BASP1: variants seen among roughly 807,000 people sequenced by gnomAD.
BASP1 encodes brain acid soluble protein 1.
A neutral mutation model predicts 2.2 loss-of-function variants in BASP1; 1 was observed. That is an observed-to-expected ratio of 0.46 (90% CI 0.16 to 2.17). BASP1 has a LOEUF of 2.17. Among genes scored for constraint, BASP1 ranks in the 30% most tolerant of loss-of-function variants. The probability of loss-of-function intolerance (pLI) is 0.27; values close to 1 mark genes in which losing one functional copy is unlikely to be tolerated. For missense variants in BASP1, 352 were observed against 327.2 expected (o/e 1.08, Z -0.58); for synonymous variants, 187 against 154.2 (o/e 1.21, Z -1.58).
intron 1 of BASP1, among the ~76,000 whole-genome samples, chr5:17,257,502 C>T (rs1258572394): frequency 6.6e-6 from 1 of 152,106 alleles, no homozygotes; most frequent in African/African-American, 2.4e-5. Flanking sequence ...GTACTGAATA[C>T]CTACTGTGTG....
At chr5:17,237,508 GA>G (rs1739772732) in intron 1 of BASP1, among the ~76,000 whole-genome samples, 7 of 152,068 alleles carry the variant, frequency 4.6e-5, no homozygotes, top group Admixed American at 4.6e-4. Context: ...TTTGAAGAAA[GA>G]AAATTGCCTA....
rs944775328 is a variant in BASP1 at position 17,272,762 on chromosome 5, G to A, written c.-9-2446G>A. Among the ~76,000 whole-genome samples the A allele has an allele frequency of 5.3e-5, 8 of 152,146 alleles. No homozygotes were observed. The South Asian group carries it at 6.2e-4, about 12-fold the overall frequency. On this transcript the variant is annotated intron_variant, in intron 1 of 1. Coordinates refer to ENST00000322611, the MANE Select transcript of BASP1 (RefSeq NM_006317.5). The stretch of plus-strand genomic sequence containing the variant: ...ATTTTCTTACTTATAACTTGATTAC[G>A]TGTGTTCATTTTCGACCCAGAAACA...
intron 1 of BASP1, among the ~76,000 whole-genome samples, chr5:17,228,887 C>CCTTTTTCTG (rs2126491302): frequency 6.6e-6 from 1 of 152,200 alleles, no homozygotes; most frequent in East Asian, 1.9e-4. Flanking sequence ...GCAAAGAAGT[C>CCTTTTTCTG]CAGAATGATG....
chr5:17,245,964 G>A (rs991427576), intron 1 of BASP1, among the ~76,000 whole-genome samples: 11 of 151,920 alleles, frequency 7.2e-5, no homozygotes, highest in African/African-American at 2.2e-4. Context: ...ATACCAACGC[G>A]TGGATAGAGA....
chr5:17,233,646 T>C (rs535789609), intron 1 of BASP1, among the ~76,000 whole-genome samples: 2 of 152,342 alleles, frequency 1.3e-5, no homozygotes, highest in East Asian at 3.9e-4. Context: ...GTGGGTTGTG[T>C]ACTTAGCTGG....
chr5:17,217,053 G>GGAGAGAGTGTGAGA, upstream of BASP1: 1 of 104,224 alleles, frequency 9.6e-6, no homozygotes, highest in East Asian at 2.7e-4. Context: ...TAAATGAGGG[G>GGAGAGAGTGTGAGA]GAGAGAGAGA....
At position 17,244,478 on chromosome 5, in the gene BASP1, C is replaced by T. The variant is rs184001147; in HGVS notation, c.-10+26668C>T. 2.6e-3 allele frequency among the ~76,000 whole-genome samples: 393 copies of T among 152,170 alleles called. 1 individual carries two copies. Among genetic ancestry groups the T allele is most frequent in the Middle Eastern group, 6.8e-3 (2 of 294 alleles). ...TAAGCTGAGGATCTGAGACTGGGCA[C>T]GGCCAGAGGAATCCTGGGAGTCATC... On this transcript the variant is annotated intron_variant, in intron 1 of 1. Coordinates refer to ENST00000322611, the MANE Select transcript of BASP1 (RefSeq NM_006317.5).
chr5:17,223,717 C>T (rs993162495), intron 1 of BASP1, among the ~76,000 whole-genome samples: 1 of 152,190 alleles, frequency 6.6e-6, no homozygotes, highest in South Asian at 2.1e-4. Flanking sequence ...CCTGGACTCA[C>T]CCTGATTAGC....
chr5:17,267,550 T>C (rs1431149360), intron 1 of BASP1, among the ~76,000 whole-genome samples: 4 of 151,788 alleles, frequency 2.6e-5, no homozygotes, highest in Non-Finnish European at 4.4e-5. Context: ...TCTTGCTCTG[T>C]CACCAGGCCC....
At chr5:17,247,573 C>A (rs149801850) in intron 1 of BASP1, among the ~76,000 whole-genome samples, 15 of 152,324 alleles carry the variant, frequency 9.8e-5, no homozygotes, top group African/African-American at 3.4e-4. Flanking sequence ...AGTTGTGCCT[C>A]TATGCACGAA....
At chr5:17,226,323 C>T (rs983128937) in intron 1 of BASP1, among the ~76,000 whole-genome samples, 3 of 152,280 alleles carry the variant, frequency 2.0e-5, no homozygotes, top group African/African-American at 7.2e-5. Context: ...AAAAACTTTT[C>T]CTGGTTGAGC....
chr5:17,238,654 C>T (rs556566152), intron 1 of BASP1, among the ~76,000 whole-genome samples: 1 of 152,318 alleles, frequency 6.6e-6, no homozygotes, highest in African/African-American at 2.4e-5. Context: ...CATCTCCTGC[C>T]ATCTCTTCCC....
chr5:17,255,915 G>C (rs1403990609), intron 1 of BASP1, among the ~76,000 whole-genome samples: 1 of 152,180 alleles, frequency 6.6e-6, no homozygotes, highest in Non-Finnish European at 1.5e-5. Context: ...CACCAGAGTA[G>C]GTTTCTAGAT....
chr5:17,270,875 T>C (rs900104327), intron 1 of BASP1, among the ~76,000 whole-genome samples: 6 of 152,194 alleles, frequency 3.9e-5, no homozygotes, highest in African/African-American at 1.4e-4. Context: ...GGAAGGACGA[T>C]GAGATTAAAT....
intron 1 of BASP1, among the ~76,000 whole-genome samples, chr5:17,231,982 T>C (rs1344038295): frequency 6.6e-6 from 1 of 152,222 alleles, no homozygotes; most frequent in Non-Finnish European, 1.5e-5. Context: ...TTTCACCTCA[T>C]CAGTTGTGCT....
chr5:17,250,644 G>T (rs147365049), intron 1 of BASP1, among the ~76,000 whole-genome samples: 232 of 151,808 alleles, frequency 1.5e-3, no homozygotes, highest in African/African-American at 5.2e-3. Flanking sequence ...TCGCTTTGTC[G>T]CCCAGGCTGG....
At chr5:17,265,134 T>C (rs1740392169) in intron 1 of BASP1, among the ~76,000 whole-genome samples, 1 of 152,226 alleles carries the variant, frequency 6.6e-6, no homozygotes, top group South Asian at 2.1e-4. Flanking sequence ...AAAAATCTAA[T>C]TGGAGATATC....
At chr5:17,271,633 G>A (rs1434994913) in intron 1 of BASP1, among the ~76,000 whole-genome samples, 1 of 152,190 alleles carries the variant, frequency 6.6e-6, no homozygotes, top group Non-Finnish European at 1.5e-5. Flanking sequence ...CTTTGGTTTA[G>A]TGACTTTTTT....
At chr5:17,235,766 A>G (rs114518440) in intron 1 of BASP1, among the ~76,000 whole-genome samples, 1 of 152,268 alleles carries the variant, frequency 6.6e-6, no homozygotes, top group African/African-American at 2.4e-5. Flanking sequence ...GTATTTTATC[A>G]TTCCTCCAGC....
Sources: allele counts gnomAD v4.1 joint callset (sites outside exome capture counted in the v4.1 genomes callset), GRCh38; gene constraint gnomAD v4.1.1; transcripts MANE v1.5; gene names NCBI Gene and HGNC (gene_info 2026-07-23, HGNC 2026-07-21).